Variants in NCOA2 observed in about 807,000 individuals in gnomAD.
NCOA2 encodes the protein nuclear receptor coactivator 2, also known as class E basic helix-loop-helix protein 75.
In NCOA2, 21 loss-of-function variants were observed where a neutral mutation model predicts 145.1. The ratio of observed to expected loss-of-function variants is 0.14; its 90% CI spans 0.10 to 0.21. NCOA2 has a LOEUF of 0.21. NCOA2 is among the 10% of genes least tolerant of loss of function. The pLI is 1.00. For missense variants in NCOA2, 1,472 were observed against 1,837.6 expected, an observed-to-expected ratio of 0.80 and a Z score of 3.64; for synonymous variants, 619 against 637.5, an observed-to-expected ratio of 0.97 and a Z score of 0.44.
At chr8:70,402,257 G>A (rs1436976619) in intron 1 of NCOA2, 1 of 152,328 alleles carries the variant, frequency 6.6e-6, no homozygotes, top group Non-Finnish European at 1.5e-5. Flanking sequence ...GGAAGGCGTC[G>A]GAGGAGGTGG....
chr8:70,436,272 G>T, the NCOA2 span, among the ~76,000 whole-genome samples: 1 of 152,250 alleles, frequency 6.6e-6, no homozygotes, highest in African/African-American at 2.4e-5. Flanking sequence ...TTATTTGGTA[G>T]ACTGTTCAAC....
At chr8:70,175,881 T>G (rs1224946198) in intron 4 of NCOA2, among the ~76,000 whole-genome samples, 2 of 151,968 alleles carry the variant, frequency 1.3e-5, no homozygotes, top group South Asian at 2.1e-4. Context: ...TTTTTTTTTT[T>G]GTCAAAAATA....
At chr8:70,322,807 T>C (rs759356269) in intron 1 of NCOA2, among the ~76,000 whole-genome samples, 1 of 152,158 alleles carries the variant, frequency 6.6e-6, no homozygotes, top group African/African-American at 2.4e-5. Flanking sequence ...ACTGTAATCA[T>C]TGTTGAAATT....
At chr8:70,338,280 A>G (rs1224013937) in intron 1 of NCOA2, among the ~76,000 whole-genome samples, 1 of 152,094 alleles carries the variant, frequency 6.6e-6, no homozygotes, top group Non-Finnish European at 1.5e-5. Context: ...AGACCCCACA[A>G]AATACAACCA....
intron 4 of NCOA2, among the ~76,000 whole-genome samples, chr8:70,199,921 T>G (rs2133496949): frequency 6.6e-6 from 1 of 152,334 alleles, no homozygotes; most frequent in Non-Finnish European, 1.5e-5. Flanking sequence ...CCATGGGTTC[T>G]GCATTGGTGG....
intron 2 of NCOA2, among the ~76,000 whole-genome samples, chr8:70,225,932 T>C (rs917325373): frequency 5.9e-5 from 9 of 152,098 alleles, no homozygotes; most frequent in Admixed American, 3.3e-4. Context: ...CATACCTTTA[T>C]AGGCTTGCTG....
chr8:70,415,078 G>A, the NCOA2 span, among the ~76,000 whole-genome samples: 1 of 152,166 alleles, frequency 6.6e-6, no homozygotes, highest in East Asian at 1.9e-4. Flanking sequence ...TGAGGTGGGA[G>A]GATTGCTTGA....
intron 11 of NCOA2, among the ~76,000 whole-genome samples, chr8:70,150,714 AG>A (rs1479977955): frequency 6.6e-6 from 1 of 152,218 alleles, no homozygotes; most frequent in African/African-American, 2.4e-5. Flanking sequence ...TGAATGCATA[AG>A]GTATAAACTG....
At chr8:70,407,933 A>G (rs950174810), upstream of NCOA2, among the ~76,000 whole-genome samples, 27 of 152,210 alleles carry the variant, frequency 1.8e-4, no homozygotes, top group Admixed American at 1.7e-3. Context: ...ACTTGAAAAC[A>G]CTTAATGATC....
At position 70,144,933 on chromosome 8, in the gene NCOA2, T is replaced by C. The variant is rs569161944; in HGVS notation, c.2606-85A>G. 4 of 1,268,052 alleles carry C rather than the reference T, an allele frequency of 3.2e-6. No homozygotes were observed. In the African/African-American group the frequency reaches 5.9e-5, roughly 19 times the overall value. 78.6% of individuals were successfully genotyped at this position (1,268,052 alleles called of 1,614,324 possible). On this transcript the variant is annotated intron_variant, in intron 12 of 22. Coordinates refer to ENST00000452400, the MANE Select transcript of NCOA2 (RefSeq NM_006540.4). ...CAGTAGTGTTTAGGGACAATGTCTGTAAAATGACAAAGGTATGTATGTCAG... is the reference window on the plus strand; with the variant it reads ...CAGTAGTGTTTAGGGACAATGTCTGCAAAATGACAAAGGTATGTATGTCAG...
chr8:70,449,840 C>T, the NCOA2 span, among the ~76,000 whole-genome samples: 2 of 152,176 alleles, frequency 1.3e-5, no homozygotes, highest in Non-Finnish European at 2.9e-5. Flanking sequence ...TAGAAAGCAT[C>T]GATGTCAACC....
intron 14 of NCOA2, among the ~76,000 whole-genome samples, chr8:70,139,756 A>G (rs567220117): frequency 6.7e-6 from 1 of 148,164 alleles, no homozygotes; most frequent in South Asian, 2.1e-4. Flanking sequence ...GGGTTCAAGC[A>G]ATTTCCCTAC....
At chr8:70,136,031 A>G (rs958016067) in intron 15 of NCOA2, among the ~76,000 whole-genome samples, 3 of 152,242 alleles carry the variant, frequency 2.0e-5, no homozygotes, top group Non-Finnish European at 4.4e-5. Flanking sequence ...AGTCAACAAA[A>G]GAAACCTTAC....
At chr8:70,146,972 C>T (rs1028322955) in intron 12 of NCOA2, among the ~76,000 whole-genome samples, 2 of 152,106 alleles carry the variant, frequency 1.3e-5, no homozygotes, top group African/African-American at 4.8e-5. Context: ...ATTACAGGCA[C>T]GTGCGACTGC....
At chr8:70,301,655 C>CAAAAAAAAAAAAAA (rs71275063) in intron 1 of NCOA2, among the ~76,000 whole-genome samples, 1 of 60,144 alleles carries the variant, frequency 1.7e-5, no homozygotes, top group Non-Finnish European at 2.9e-5. Flanking sequence ...GACCCTTTCT[C>CAAAAAAAAAAAAAA]AAAAAAAAAA....
At chr8:70,259,242 C>T (rs1823908004) in intron 2 of NCOA2, among the ~76,000 whole-genome samples, 1 of 152,162 alleles carries the variant, frequency 6.6e-6, no homozygotes, top group Admixed American at 6.5e-5. Flanking sequence ...AACCAATGGA[C>T]TACGCTGACA....
intron 11 of NCOA2, among the ~76,000 whole-genome samples, chr8:70,155,492 G>C (rs1407975631): frequency 6.6e-6 from 1 of 152,204 alleles, no homozygotes; most frequent in Non-Finnish European, 1.5e-5. Flanking sequence ...CCACCAGCCT[G>C]TGGGCTAAAT....
intron 1 of NCOA2, among the ~76,000 whole-genome samples, chr8:70,401,017 T>C (rs1814181008): frequency 6.6e-6 from 1 of 152,176 alleles, no homozygotes; most frequent in South Asian, 2.1e-4. Context: ...TCCCAAAGAT[T>C]CTACAAATTC....
chr8:70,425,038 C>T, the NCOA2 span, among the ~76,000 whole-genome samples: 4 of 152,206 alleles, frequency 2.6e-5, no homozygotes, highest in Non-Finnish European at 4.4e-5. Flanking sequence ...AGCCACTAAA[C>T]TCCTACTTGT....
Sources: gnomAD v4.1 joint callset for allele counts (sites outside exome capture counted in the v4.1 genomes callset) on GRCh38, gnomAD v4.1.1 for gene constraint, MANE v1.5 for transcripts, NCBI Gene and HGNC (gene_info 2026-07-23, HGNC 2026-07-21) for gene names.